Variants in KCND2 observed in about 807,000 individuals in gnomAD.
The protein encoded by KCND2 is A-type voltage-gated potassium channel KCND2.
KCND2 carries 16 observed loss-of-function variants against 54.4 expected under a neutral mutation model. That is an observed-to-expected ratio of 0.29 (90% CI 0.20 to 0.45). The LOEUF is 0.45. Ranked by LOEUF, KCND2 falls within the 20% of genes least tolerant of loss-of-function variation. KCND2 has a pLI of 1.00. For synonymous variants in KCND2, 317 were observed against 310.7 expected, an observed-to-expected ratio of 1.02 and a Z score of -0.21; for missense variants, 486 against 824.2, an observed-to-expected ratio of 0.59 and a Z score of 5.02.
At chr7:120,443,551 A>C (rs143011981) in intron 1 of KCND2, among the ~76,000 whole-genome samples, 9 of 152,026 alleles carry the variant, frequency 5.9e-5, no homozygotes, top group African/African-American at 7.2e-5. Flanking sequence ...CAACCCAATC[A>C]TCTTATGAAT....
intron 1 of KCND2, among the ~76,000 whole-genome samples, chr7:120,447,830 T>TA (rs1193810782): frequency 1.6e-4 from 24 of 152,028 alleles, no homozygotes; most frequent in Non-Finnish European, 3.2e-4. Flanking sequence ...ACTGATTTTT[T>TA]TTTATTTTTT....
intron 1 of KCND2, among the ~76,000 whole-genome samples, chr7:120,697,444 C>T (rs899811064): frequency 6.6e-6 from 1 of 152,060 alleles, no homozygotes; most frequent in Non-Finnish European, 1.5e-5. Context: ...TTTAAAAGAA[C>T]ACCAGAATTC....
chr7:120,652,999 T>C (rs897411790), intron 1 of KCND2, among the ~76,000 whole-genome samples: 2 of 152,074 alleles, frequency 1.3e-5, no homozygotes, highest in Non-Finnish European at 2.9e-5. Flanking sequence ...AGACCTGAGA[T>C]GGATGGAAGA....
intron 1 of KCND2, among the ~76,000 whole-genome samples, chr7:120,501,184 G>A (rs956051029): frequency 5.9e-5 from 9 of 152,026 alleles, no homozygotes; most frequent in African/African-American, 2.2e-4. Context: ...CAGACTCACG[G>A]CACAGTAATG....
At chr7:120,340,168 G>C (rs1440408890) in intron 1 of KCND2, among the ~76,000 whole-genome samples, 1 of 152,186 alleles carries the variant, frequency 6.6e-6, no homozygotes, top group Non-Finnish European at 1.5e-5. Flanking sequence ...AAAACAGTTT[G>C]CACATAGAAG....
intron 1 of KCND2, among the ~76,000 whole-genome samples, chr7:120,591,733 C>T (rs1456312789): frequency 6.6e-6 from 1 of 152,126 alleles, no homozygotes; most frequent in Non-Finnish European, 1.5e-5. Context: ...GTCTCTGAGC[C>T]TCCCCATTCC....
chr7:120,745,620 A>T (rs1792996322), intron 4 of KCND2, among the ~76,000 whole-genome samples, 160 bp from the exon 5 acceptor site: 1 of 152,168 alleles, frequency 6.6e-6, no homozygotes, highest in South Asian at 2.1e-4. Context: ...TGCCAAAAAG[A>T]AGTGGTTTTG....
intron 1 of KCND2, among the ~76,000 whole-genome samples, chr7:120,678,372 T>TATATATATAC (rs1554385180): frequency 2.5e-4 from 34 of 133,496 alleles, no homozygotes; most frequent in African/African-American, 8.2e-4. Flanking sequence ...TATATATATA[T>TATATATATAC]ACGCACACAC....
intron 1 of KCND2, among the ~76,000 whole-genome samples, chr7:120,282,908 C>T (rs1799286789): frequency 6.6e-6 from 1 of 152,210 alleles, no homozygotes; most frequent in African/African-American, 2.4e-5. Context: ...TCAACTTTCT[C>T]ACCTTAGGAA....
intron 1 of KCND2, among the ~76,000 whole-genome samples, chr7:120,533,183 C>A (rs140936173): frequency 6.6e-6 from 1 of 152,186 alleles, no homozygotes; most frequent in East Asian, 1.9e-4. Context: ...AGAGTCTACT[C>A]CACATCTCAA....
chr7:120,405,126 A>G (rs1463004018), intron 1 of KCND2, among the ~76,000 whole-genome samples: 1 of 152,138 alleles, frequency 6.6e-6, no homozygotes, highest in Non-Finnish European at 1.5e-5. Flanking sequence ...GAAGCAAAAG[A>G]TCTACATTTT....
chr7:120,402,380 G>C (rs1801277075), intron 1 of KCND2, among the ~76,000 whole-genome samples: 1 of 152,126 alleles, frequency 6.6e-6, no homozygotes, highest in African/African-American at 2.4e-5. Context: ...ATGCATTCCA[G>C]CTTTTGAAAA....
At chr7:120,442,250 G>A (rs995744965) in intron 1 of KCND2, among the ~76,000 whole-genome samples, 19 of 152,052 alleles carry the variant, frequency 1.2e-4, no homozygotes, top group Admixed American at 9.8e-4. Context: ...CTGTCCATGA[G>A]TCTAATCCAG....
chr7:120,727,187 G>A (rs527736358), intron 1 of KCND2, among the ~76,000 whole-genome samples: 4 of 152,264 alleles, frequency 2.6e-5, no homozygotes, highest in African/African-American at 9.6e-5. Flanking sequence ...TAACAGTATT[G>A]TTTGAAGATG....
At chr7:120,560,853 T>C (rs778083099) in intron 1 of KCND2, among the ~76,000 whole-genome samples, 1 of 152,176 alleles carries the variant, frequency 6.6e-6, no homozygotes, top group Non-Finnish European at 1.5e-5. Context: ...CTAATCCAGT[T>C]TGCTAATTTT....
At position 120,516,223 on chromosome 7, in the gene KCND2, T is replaced by C. The variant is rs192632923; in HGVS notation, c.1116-216680T>C. Among the ~76,000 whole-genome samples the C allele has an allele frequency of 9.8e-4, 150 of 152,286 alleles. 1 individual carries two copies. The highest frequency in any genetic ancestry group is 3.5e-3 in the African/African-American group (145 of 41,568). On this transcript the variant is annotated intron_variant, in intron 1 of 5. Transcript: ENST00000331113. ...TAAAATAAGAGCATTAGAAAATTAG[T>C]TTTATTCTTTTATTCGGCACTGCAA...
At chr7:120,595,591 GTA>G (rs58301382) in intron 1 of KCND2, among the ~76,000 whole-genome samples, 15,765 of 131,796 alleles carry the variant, frequency 0.12, 996 homozygotes, top group African/African-American at 0.13. Context: ...GTGTGTGTGT[GTA>G]TATATATATA....
intron 2 of KCND2, among the ~76,000 whole-genome samples, chr7:120,734,800 T>G (rs990654360): frequency 6.6e-6 from 1 of 152,148 alleles, no homozygotes; most frequent in Non-Finnish European, 1.5e-5. Flanking sequence ...ATGCACAACC[T>G]AGGTGATGTG....
chr7:120,426,462 C>A (rs17142724), intron 1 of KCND2, among the ~76,000 whole-genome samples: 9,160 of 152,142 alleles, frequency 0.06, 1,035 homozygotes, highest in East Asian at 0.53. Context: ...AAAAGTTTAA[C>A]TGACAAAGCT....
Sources: gnomAD v4.1 joint callset for allele counts (sites outside exome capture counted in the v4.1 genomes callset) on GRCh38, gnomAD v4.1.1 for gene constraint, MANE v1.5 for transcripts, NCBI Gene and HGNC (gene_info 2026-07-23, HGNC 2026-07-21) for gene names.